ZC3H18: variants seen among roughly 807,000 people sequenced by gnomAD.
ZC3H18 encodes zinc finger CCCH domain-containing protein 18.
In ZC3H18, 8 loss-of-function variants were observed where a neutral mutation model predicts 106.1. That is an observed-to-expected ratio of 0.08 (90% CI 0.04 to 0.14). The LOEUF is 0.14. Among genes scored for constraint, ZC3H18 ranks in the 10% least tolerant of loss-of-function variants. The pLI is 1.00. For synonymous variants in ZC3H18, 635 were observed against 522.1 expected (o/e 1.22, Z -2.95); for missense variants, 1,318 against 1,278.4 (o/e 1.03, Z -0.47).
Position 88,611,349 on chromosome 16 carries a change from C to T in ZC3H18, c.1288C>T (p.Arg430Trp), listed in dbSNP as rs769818926. 9 of 848,748 alleles carry T rather than the reference C, an allele frequency of 1.1e-5. No individual in the cohort carries two copies. The highest frequency in any genetic ancestry group is 5.7e-5 in the South Asian group (4 of 70,116). 52.6% of individuals were successfully genotyped at this position (848,748 alleles called of 1,614,324 possible). ...GGAGCGGGACCGAGAGCGGGAGCGC[C>T]GGCAGAGGGAGCGCGAGCGAGAGCG... is the stretch of plus-strand genomic sequence containing the variant. ...ERERDRERER[R>W]QRERERERER... The change falls in exon 8 of 18, where the codon CGG becomes TGG. Residue 430 changes from arginine to tryptophan, a missense_variant. Physicochemically the swap from Arg to Trp is moderately radical, Grantham distance 101. Coordinates refer to ENST00000301011, the MANE Select transcript of ZC3H18 (RefSeq NM_144604.4).
chr16:88,583,730 TCTCCTCACACTCACC>T, intron 2 of ZC3H18, among the ~76,000 whole-genome samples: 1 of 152,306 alleles, frequency 6.6e-6, no homozygotes, highest in Middle Eastern at 3.4e-3. Context: ...GGCCTGTGTG[TCTCCTCACACTCACC>T]CTCAGTGTCC....
At chr16:88,600,278 G>T (rs367961181) in intron 6 of ZC3H18, among the ~76,000 whole-genome samples, 3 of 152,268 alleles carry the variant, frequency 2.0e-5, no homozygotes, top group African/African-American at 7.2e-5. Flanking sequence ...CCTCACCCCT[G>T]CCCACATTAC....
chr16:88,620,207 G>GA (rs1194612144), intron 8 of ZC3H18, among the ~76,000 whole-genome samples: 4 of 152,242 alleles, frequency 2.6e-5, no homozygotes, highest in African/African-American at 9.6e-5. Context: ...GACGTAAGCA[G>GA]ATGCTACCAC....
chr16:88,623,560 G>A, intron 10 of ZC3H18: 1 of 645,240 alleles, frequency 1.5e-6, no homozygotes, highest in Non-Finnish European at 2.6e-6. Flanking sequence ...TGTCACTGAG[G>A]GCCACAGCCT....
chr16:88,629,755 A>G (rs1363798033), intron 16 of ZC3H18, among the ~76,000 whole-genome samples: 3 of 152,214 alleles, frequency 2.0e-5, no homozygotes, highest in Non-Finnish European at 2.9e-5. Flanking sequence ...ATGGAAAGAC[A>G]GGGAGATTGT....
chr16:88,574,098 C>G (rs1363610801), intron 1 of ZC3H18, among the ~76,000 whole-genome samples: 2 of 152,112 alleles, frequency 1.3e-5, no homozygotes, highest in African/African-American at 2.4e-5. Context: ...TTGTCCTGAA[C>G]TCCTGACCTC....
At chr16:88,617,286 C>T (rs1905674632) in intron 8 of ZC3H18, among the ~76,000 whole-genome samples, 1 of 1,736 alleles carries the variant, frequency 5.8e-4, no homozygotes, top group Non-Finnish European at 1.8e-3. Context: ...TGACCAGCTC[C>T]CCCCTGGACC....
At position 88,600,340 on chromosome 16, in the gene ZC3H18, T is replaced by A. The variant is rs545702469; in HGVS notation, c.1088+392T>A. On this transcript the variant is annotated intron_variant, in intron 6 of 17. Coordinates refer to ENST00000301011, the MANE Select transcript of ZC3H18 (RefSeq NM_144604.4). ...TGCCACAAGCCAGGAACACAACAGCTGCGGCCTCTTCGCTGTCAGGGCTGT... is the reference window on the plus strand; with the variant it reads ...TGCCACAAGCCAGGAACACAACAGCAGCGGCCTCTTCGCTGTCAGGGCTGT... 3.9e-5 allele frequency among the ~76,000 whole-genome samples: 6 copies of A among 152,348 alleles called. No individual in the cohort carries two copies. The South Asian group carries it at 1.2e-3, about 32-fold the overall frequency.
At chr16:88,574,419 G>A (rs1412402729) in intron 1 of ZC3H18, among the ~76,000 whole-genome samples, 1 of 151,804 alleles carries the variant, frequency 6.6e-6, no homozygotes, top group Non-Finnish European at 1.5e-5. Context: ...ATGTTGGCCA[G>A]GCTGGTCTTG....
At chr16:88,622,016 C>G (rs893633315) in intron 8 of ZC3H18, among the ~76,000 whole-genome samples, 181 bp from the exon 9 acceptor site, 3 of 152,164 alleles carry the variant, frequency 2.0e-5, no homozygotes, top group Admixed American at 2.0e-4. Flanking sequence ...TGGACATCAC[C>G]CAAGTCCATG....
chr16:88,595,334 C>T (rs1007404159), intron 3 of ZC3H18, among the ~76,000 whole-genome samples: 1 of 152,188 alleles, frequency 6.6e-6, no homozygotes, highest in African/African-American at 2.4e-5. Flanking sequence ...GGCCTGAGGC[C>T]ATGTCTGTGT....
chr16:88,577,105 T>C lies in ZC3H18; in HGVS notation c.-14-5T>C, dbSNP rs749877069. On this transcript the variant is annotated splice_polypyrimidine_tract_variant and splice_region_variant and intron_variant, in intron 1 of 17. Coordinates refer to ENST00000301011, the MANE Select transcript of ZC3H18 (RefSeq NM_144604.4). The stretch of plus-strand genomic sequence containing the variant: ...GGCTGTCAATCTGTATTCTCTCTTT[T>C]GCAGAACCGTGGGTACCGATGGATG... The C allele has an allele frequency of 2.6e-6, 4 of 1,515,184 alleles. No homozygotes were observed. The highest frequency in any genetic ancestry group is 2.3e-5 in the Admixed American group (1 of 44,394). 93.9% of individuals were successfully genotyped at this position (1,515,184 alleles called of 1,614,324 possible).
Position 88,618,244 on chromosome 16 carries a change from G to C in ZC3H18, c.1476-3953G>C, listed in dbSNP as rs368235152. Among the ~76,000 whole-genome samples the C allele has an allele frequency of 4.6e-5, 7 of 152,060 alleles. No homozygotes were observed. In the East Asian group the frequency reaches 9.7e-4, roughly 21 times the overall value. On this transcript the variant is annotated intron_variant, in intron 8 of 17. Transcript: ENST00000301011. ...GGGCGGGCACTCCAGGTCTGCTTTGGGCTTTTTCTGTTACGTTTTAAGGGA... is the reference window on the plus strand; with the variant it reads ...GGGCGGGCACTCCAGGTCTGCTTTGCGCTTTTTCTGTTACGTTTTAAGGGA...
intron 11 of ZC3H18, 49 bp from the exon 12 acceptor site, chr16:88,624,553 G>A (rs749126851): frequency 1.1e-5 from 18 of 1,611,916 alleles, no homozygotes; most frequent in East Asian, 8.9e-5. Context: ...GTAGGCCAGC[G>A]GGGCCCCGTC....
At chr16:88,625,013 C>G (rs1906213884) in intron 12 of ZC3H18, among the ~76,000 whole-genome samples, 189 bp from the exon 13 acceptor site, 1 of 152,218 alleles carries the variant, frequency 6.6e-6, no homozygotes, top group Admixed American at 6.5e-5. Flanking sequence ...GAAGGTGCTG[C>G]CCCCGAGAGA....
chr16:88,610,122 C>A (rs1234899549), intron 7 of ZC3H18, among the ~76,000 whole-genome samples: 5 of 152,134 alleles, frequency 3.3e-5, no homozygotes, highest in African/African-American at 9.7e-5. Context: ...CTGAGATTTC[C>A]GCCCTGGAAA....
At chr16:88,595,271 AGGGGCCGCCTCC>A (rs922820916) in intron 3 of ZC3H18, among the ~76,000 whole-genome samples, 3 of 152,148 alleles carry the variant, frequency 2.0e-5, no homozygotes, top group African/African-American at 7.2e-5. Context: ...TCAGCAGTGG[AGGGGCCGCCTCC>A]GCCCCGCTCC....
intron 3 of ZC3H18, 147 bp downstream of exon 3, chr16:88,586,831 T>TGGG: frequency 1.7e-6 from 1 of 590,392 alleles, no homozygotes; most frequent in Non-Finnish European, 3.1e-6. Context: ...GTGGTGGTGG[T>TGGG]GGTGGTGGCA....
chr16:88,629,634 G>A (rs567662778), intron 16 of ZC3H18, among the ~76,000 whole-genome samples: 2 of 152,320 alleles, frequency 1.3e-5, no homozygotes, highest in Non-Finnish European at 2.9e-5. Context: ...AGGCTCCTGC[G>A]GACTGAGTGA....
Sources: gnomAD v4.1 joint callset for allele counts (sites outside exome capture counted in the v4.1 genomes callset) on GRCh38, gnomAD v4.1.1 for gene constraint, MANE v1.5 for transcripts, NCBI Gene and HGNC (gene_info 2026-07-23, HGNC 2026-07-21) for gene names.